Variants in MAML3 observed in about 807,000 individuals in gnomAD.
The protein encoded by MAML3 is mastermind like transcriptional coactivator 3, also known as mastermind-like protein 3.
In MAML3, 27 loss-of-function variants were observed where a neutral mutation model predicts 101.9. That is an observed-to-expected ratio of 0.27 (90% CI 0.20 to 0.37). The LOEUF is 0.37. MAML3 is among the 10% of genes least tolerant of loss of function. MAML3 has a pLI of 1.00. For missense variants in MAML3, 1,316 were observed against 1,444.9 expected (o/e 0.91, Z 1.45); for synonymous variants, 501 against 555.9 (o/e 0.90, Z 1.39).
At chr4:140,112,177 A>G (rs1307488770) in intron 1 of MAML3, among the ~76,000 whole-genome samples, 1 of 152,164 alleles carries the variant, frequency 6.6e-6, no homozygotes, top group Non-Finnish European at 1.5e-5. Flanking sequence ...TTAATTGGTT[A>G]TAATTCATTA....
At chr4:139,737,775 C>A (rs1032938579) in intron 2 of MAML3, among the ~76,000 whole-genome samples, 1 of 152,182 alleles carries the variant, frequency 6.6e-6, no homozygotes, top group Non-Finnish European at 1.5e-5. Flanking sequence ...AAAATTTTTA[C>A]TGTGGGTTTG....
intron 1 of MAML3, among the ~76,000 whole-genome samples, chr4:140,073,464 T>C (rs1045695005): frequency 2.0e-5 from 3 of 152,080 alleles, no homozygotes; most frequent in Non-Finnish European, 4.4e-5. Context: ...AAATTTCTTA[T>C]AGACTTCCAT....
intron 1 of MAML3, among the ~76,000 whole-genome samples, chr4:140,063,097 A>G (rs1382389292): frequency 2.6e-5 from 4 of 152,328 alleles, no homozygotes; most frequent in African/African-American, 9.6e-5. Context: ...AGATGAGAAA[A>G]CAGAGGCAAT....
At chr4:140,089,808 G>T (rs1180177822) in intron 1 of MAML3, among the ~76,000 whole-genome samples, 1 of 152,170 alleles carries the variant, frequency 6.6e-6, no homozygotes, top group Non-Finnish European at 1.5e-5. Flanking sequence ...TGGGGTAAGA[G>T]AACTGTTCCA....
chr4:140,139,551 A>G (rs1241453514), intron 1 of MAML3, among the ~76,000 whole-genome samples: 1 of 152,180 alleles, frequency 6.6e-6, no homozygotes, highest in East Asian at 1.9e-4. Flanking sequence ...AATCCATAGT[A>G]AGGTTAAGAT....
intron 1 of MAML3, among the ~76,000 whole-genome samples, chr4:140,098,041 C>T (rs188617839): frequency 1.3e-3 from 194 of 152,344 alleles, no homozygotes; most frequent in African/African-American, 4.5e-3. Flanking sequence ...AGAGAATAAG[C>T]TATCGTTCAT....
chr4:139,987,996 T>C (rs1734580406), intron 1 of MAML3, among the ~76,000 whole-genome samples: 1 of 112,732 alleles, frequency 8.9e-6, no homozygotes, highest in Non-Finnish European at 1.7e-5. Context: ...CACTCCAGCC[T>C]GGCAACACAG....
intron 1 of MAML3, among the ~76,000 whole-genome samples, chr4:139,896,656 G>A (rs1560829243): frequency 7.1e-6 from 1 of 140,654 alleles, no homozygotes; most frequent in Non-Finnish European, 1.5e-5. Flanking sequence ...GTGTGTGAGA[G>A]AGAGAGAGAA....
At chr4:139,859,192 C>T (rs997254699) in intron 2 of MAML3, among the ~76,000 whole-genome samples, 23 of 151,876 alleles carry the variant, frequency 1.5e-4, no homozygotes, top group Non-Finnish European at 2.9e-5. Flanking sequence ...TCTGATTTTA[C>T]CCTATGACAC....
At position 139,929,799 on chromosome 4, in the gene MAML3, T is replaced by C. The variant is rs1250983304; in HGVS notation, c.469-38832A>G. On this transcript the variant is annotated intron_variant, in intron 1 of 4. Coordinates refer to ENST00000509479, the MANE Select transcript of MAML3 (RefSeq NM_018717.5). ...ATGTGTTCATGTGTTTGCAGGATGA[T>C]AGACAACTTAACCATGTCATAGGGC... is the stretch of plus-strand genomic sequence containing the variant. Among the ~76,000 whole-genome samples, 10 of 152,324 alleles carry C rather than the reference T, an allele frequency of 6.6e-5. 1 individual carries two copies. In the South Asian group the frequency reaches 1.7e-3, roughly 25 times the overall value.
chr4:140,137,745 C>G (rs1728919014), intron 1 of MAML3, among the ~76,000 whole-genome samples: 1 of 152,206 alleles, frequency 6.6e-6, no homozygotes. Context: ...TCCCCACCCC[C>G]AGAAGTCAAT....
intron 2 of MAML3, among the ~76,000 whole-genome samples, chr4:139,832,548 C>T (rs553360253): frequency 6.5e-4 from 99 of 152,278 alleles, no homozygotes; most frequent in Non-Finnish European, 1.2e-3. Flanking sequence ...CACCGTCCAC[C>T]TTTATTCACT....
chr4:140,140,619 C>G (rs1360068049), intron 1 of MAML3, among the ~76,000 whole-genome samples: 1 of 152,110 alleles, frequency 6.6e-6, no homozygotes, highest in African/African-American at 2.4e-5. Context: ...AAAGGCTAAA[C>G]CAAATCTAGA....
At chr4:139,837,761 A>C (rs1731283628) in intron 2 of MAML3, among the ~76,000 whole-genome samples, 1 of 151,832 alleles carries the variant, frequency 6.6e-6, no homozygotes, top group African/African-American at 2.4e-5. Context: ...CTCTACTAAA[A>C]ATACAAAAAT....
At chr4:139,865,637 C>G (rs1731884484) in intron 2 of MAML3, among the ~76,000 whole-genome samples, 1 of 152,028 alleles carries the variant, frequency 6.6e-6, no homozygotes, top group Non-Finnish European at 1.5e-5. Flanking sequence ...CCAACTTATC[C>G]TCTTCCCCCC....
At chr4:140,121,150 T>G (rs1031344867) in intron 1 of MAML3, among the ~76,000 whole-genome samples, 1 of 152,222 alleles carries the variant, frequency 6.6e-6, no homozygotes, top group African/African-American at 2.4e-5. Flanking sequence ...TTTCTTGGCT[T>G]CTTAAAGCTT....
At chr4:139,959,086 A>G (rs2110771260) in intron 1 of MAML3, among the ~76,000 whole-genome samples, 1 of 152,344 alleles carries the variant, frequency 6.6e-6, no homozygotes, top group East Asian at 1.9e-4. Flanking sequence ...TCTTTTGGGC[A>G]TCAGATTATA....
chr4:140,017,515 T>C (rs1022392014), intron 1 of MAML3, among the ~76,000 whole-genome samples: 1 of 152,102 alleles, frequency 6.6e-6, no homozygotes, highest in African/African-American at 2.4e-5. Context: ...ATCAGTTTTA[T>C]TCATAAATAA....
At chr4:140,059,868 G>A (rs1046947791) in intron 1 of MAML3, among the ~76,000 whole-genome samples, 1 of 152,084 alleles carries the variant, frequency 6.6e-6, no homozygotes, top group Non-Finnish European at 1.5e-5. Context: ...AAAAAGAACA[G>A]CAAAAGGCAT....
Sources: allele counts gnomAD v4.1 joint callset (sites outside exome capture counted in the v4.1 genomes callset), GRCh38; gene constraint gnomAD v4.1.1; transcripts MANE v1.5; gene names NCBI Gene and HGNC (gene_info 2026-07-23, HGNC 2026-07-21).